Variants in MAGI2 observed in about 807,000 individuals in gnomAD.
MAGI2 encodes the protein membrane associated guanylate kinase, WW and PDZ domain containing 2, also known as membrane-associated guanylate kinase, WW and PDZ domain-containing protein 2.
A neutral mutation model predicts 133.3 loss-of-function variants in MAGI2; 35 were observed. The ratio of observed to expected loss-of-function variants is 0.26; its 90% CI spans 0.20 to 0.35. The LOEUF is 0.35. Ranked by LOEUF, MAGI2 falls within the 10% of genes least tolerant of loss-of-function variation. The pLI, the probability that MAGI2 is intolerant of heterozygous loss-of-function variation, is 1.00. For synonymous variants in MAGI2, 729 were observed against 710.6 expected (o/e 1.03, Z -0.41); for missense variants, 1,636 against 1,863.4 (o/e 0.88, Z 2.25).
At chr7:79,034,333 T>TAAATTACATTTCAGTGC (rs1810910404) in intron 1 of MAGI2, among the ~76,000 whole-genome samples, 1 of 152,212 alleles carries the variant, frequency 6.6e-6, no homozygotes, top group African/African-American at 2.4e-5. Context: ...TCTTTAAATT[T>TAAATTACATTTCAGTGC]AAATTACATT....
chr7:78,833,708 A>G (rs561086339), intron 2 of MAGI2, among the ~76,000 whole-genome samples: 1 of 152,250 alleles, frequency 6.6e-6, no homozygotes, highest in Non-Finnish European at 1.5e-5. Flanking sequence ...TGTTCTCTAA[A>G]GCCTAGGGGC....
At chr7:78,875,228 T>C (rs1314097444) in intron 2 of MAGI2, among the ~76,000 whole-genome samples, 1 of 152,158 alleles carries the variant, frequency 6.6e-6, no homozygotes, top group Admixed American at 6.6e-5. Flanking sequence ...TTTCACCAGG[T>C]GAGATCTGAA....
At chr7:79,048,099 C>T (rs1362137575) in intron 1 of MAGI2, among the ~76,000 whole-genome samples, 2 of 152,048 alleles carry the variant, frequency 1.3e-5, no homozygotes, top group Non-Finnish European at 2.9e-5. Context: ...GGCACTGTAA[C>T]GCAGCTTAAT....
At chr7:78,927,215 G>T (rs1275939802) in intron 2 of MAGI2, among the ~76,000 whole-genome samples, 1 of 151,864 alleles carries the variant, frequency 6.6e-6, no homozygotes, top group Non-Finnish European at 1.5e-5. Context: ...AGCCTTAGTT[G>T]GGCCACTTAA....
At chr7:78,459,542 T>G (rs1224121953) in intron 6 of MAGI2, among the ~76,000 whole-genome samples, 1 of 152,222 alleles carries the variant, frequency 6.6e-6, no homozygotes, top group Non-Finnish European at 1.5e-5. Context: ...ATGGGACATA[T>G]TCCACGAATT....
chr7:78,158,300 A>G (rs1824595004), intron 16 of MAGI2: 1 of 151,970 alleles, frequency 6.6e-6, no homozygotes, highest in African/African-American at 2.4e-5. Context: ...AAATTTTCCT[A>G]TCCTCTCTTC....
chr7:78,565,652 C>T (rs1800870762), intron 3 of MAGI2, among the ~76,000 whole-genome samples: 2 of 152,240 alleles, frequency 1.3e-5, no homozygotes, highest in East Asian at 1.9e-4. Flanking sequence ...TCATAGACAA[C>T]ACAGCCTTAC....
intron 1 of MAGI2, among the ~76,000 whole-genome samples, chr7:79,421,786 T>G (rs1217871774): frequency 1.3e-5 from 2 of 152,062 alleles, no homozygotes; most frequent in Admixed American, 6.6e-5. Flanking sequence ...TTAATGGCTA[T>G]ACACTTGAGT....
chr7:79,007,444 A>C (rs1394222764), intron 1 of MAGI2, among the ~76,000 whole-genome samples: 1 of 152,152 alleles, frequency 6.6e-6, no homozygotes, highest in Non-Finnish European at 1.5e-5. Flanking sequence ...TTTATCCTTC[A>C]TTTAGAATGA....
chr7:78,304,300 A>G (rs773508131), intron 9 of MAGI2, among the ~76,000 whole-genome samples: 20 of 152,154 alleles, frequency 1.3e-4, no homozygotes, highest in Non-Finnish European at 2.2e-4. Flanking sequence ...ATAATCTCCT[A>G]TCACTCTCCT....
intron 2 of MAGI2, among the ~76,000 whole-genome samples, chr7:78,752,050 C>T (rs748390596): frequency 5.9e-5 from 9 of 152,130 alleles, no homozygotes; most frequent in Non-Finnish European, 1.2e-4. Context: ...CTGATATATG[C>T]TAGAATTTGG....
intron 2 of MAGI2, among the ~76,000 whole-genome samples, chr7:78,767,328 C>T (rs1825132330): frequency 6.6e-6 from 1 of 151,630 alleles, no homozygotes. Context: ...ACACCTAATG[C>T]AGTCAAAAAG....
chr7:79,361,069 T>A (rs1842347618), intron 1 of MAGI2, among the ~76,000 whole-genome samples: 2 of 152,134 alleles, frequency 1.3e-5, no homozygotes, highest in African/African-American at 4.8e-5. Context: ...AATGGCTAAT[T>A]AATATCCAGT....
At chr7:79,156,407 CT>C (rs1246486612) in intron 1 of MAGI2, among the ~76,000 whole-genome samples, 2 of 152,036 alleles carry the variant, frequency 1.3e-5, no homozygotes, top group Non-Finnish European at 2.9e-5. Flanking sequence ...AATCTAGCAC[CT>C]TTTAAAAGGT....
At chr7:78,894,054 A>G (rs1196843464) in intron 2 of MAGI2, among the ~76,000 whole-genome samples, 1 of 152,214 alleles carries the variant, frequency 6.6e-6, no homozygotes, top group Non-Finnish European at 1.5e-5. Flanking sequence ...TTCAGTTTTC[A>G]ATGACATTTT....
chr7:78,446,007 T>C (rs1788093759), intron 6 of MAGI2, among the ~76,000 whole-genome samples: 1 of 149,010 alleles, frequency 6.7e-6, no homozygotes, highest in Non-Finnish European at 1.5e-5. Flanking sequence ...CCTCTTCTCT[T>C]GCTTTTCCAA....
chr7:79,402,399 TTGTC>T lies in MAGI2; in HGVS notation c.301+50617_301+50620del, dbSNP rs780002382. On this transcript the variant is annotated intron_variant, in intron 1 of 21. Transcript: ENST00000354212. ...GAAGGCCAAAACTTTCATTTCATGT[TTGTC>T]TGTTACACAAATTATTGTAAAAATA... Among the ~76,000 whole-genome samples, 5 of 152,170 alleles carry T rather than the reference TTGTC, an allele frequency of 3.3e-5. No individual in the cohort carries two copies. The East Asian group carries it at 9.7e-4, about 29-fold the overall frequency.
chr7:78,365,485 G>A (rs897603748), intron 7 of MAGI2, among the ~76,000 whole-genome samples: 1 of 152,178 alleles, frequency 6.6e-6, no homozygotes, highest in African/African-American at 2.4e-5. Context: ...TCAATAATGT[G>A]TGGTTCTGGA....
At chr7:78,804,515 G>A (rs564657343) in intron 2 of MAGI2, among the ~76,000 whole-genome samples, 4 of 151,420 alleles carry the variant, frequency 2.6e-5, no homozygotes, top group South Asian at 4.2e-4. Flanking sequence ...TTGGGAGGCC[G>A]AGGCAGGCGG....
Sources: allele counts gnomAD v4.1 joint callset (sites outside exome capture counted in the v4.1 genomes callset), GRCh38; gene constraint gnomAD v4.1.1; transcripts MANE v1.5; gene names NCBI Gene and HGNC (gene_info 2026-07-23, HGNC 2026-07-21).